Variants in PTPRA observed in about 807,000 individuals in gnomAD.
PTPRA encodes receptor-type tyrosine-protein phosphatase alpha.
Under a neutral mutation model 104.8 loss-of-function variants are expected in PTPRA, and 25 were observed. The ratio of observed to expected loss-of-function variants is 0.24; its 90% CI spans 0.17 to 0.33. PTPRA has a LOEUF of 0.33. Ranked by LOEUF, PTPRA falls within the 10% of genes least tolerant of loss-of-function variation. The pLI, the probability that PTPRA is intolerant of heterozygous loss-of-function variation, is 1.00. For missense variants in PTPRA, 765 were observed against 1,015.3 expected, an observed-to-expected ratio of 0.75 and a Z score of 3.35; for synonymous variants, 323 against 368.9, an observed-to-expected ratio of 0.88 and a Z score of 1.43.
chr20:3,002,787 A>G (rs1325005853), intron 9 of PTPRA, among the ~76,000 whole-genome samples: 1 of 152,128 alleles, frequency 6.6e-6, no homozygotes, highest in African/African-American at 2.4e-5. Context: ...AAAAACCTTC[A>G]ATGATTTCCT....
chr20:2,994,092 T>C (rs2063300851), intron 9 of PTPRA, among the ~76,000 whole-genome samples: 1 of 152,214 alleles, frequency 6.6e-6, no homozygotes, highest in African/African-American at 2.4e-5. Flanking sequence ...AGTAGCTACC[T>C]CAAGGCCAGG....
chr20:2,959,304 C>T (rs145629677), intron 3 of PTPRA, among the ~76,000 whole-genome samples: 1 of 152,264 alleles, frequency 6.6e-6, no homozygotes, highest in East Asian at 1.9e-4. Flanking sequence ...GTTACTCCCA[C>T]CAGTATTTAA....
Position 3,037,142 on chromosome 20 carries a change from G to A in PTPRA, c.2199-12G>A. On this transcript the variant is annotated splice_polypyrimidine_tract_variant and intron_variant, in intron 22 of 23. Coordinates refer to ENST00000399903, the MANE Select transcript of PTPRA (RefSeq NM_001385305.1). This position sits in a 1 kb window ranked among gnomAD's most constrained non-coding sequence, Gnocchi z 4.3. ...CATCACAGGTGTGGTAAATGTGTCT[G>A]CTCTGTTGCAGCGCCGGGGCAGGAA... 6.2e-7 allele frequency: 1 copy of A among 1,613,112 alleles called. No individual in the cohort carries two copies. The highest frequency in any genetic ancestry group is 1.1e-5 in the South Asian group (1 of 90,924).
chr20:3,020,136 T>G (rs1055048668), intron 13 of PTPRA, among the ~76,000 whole-genome samples: 2 of 151,778 alleles, frequency 1.3e-5, no homozygotes, highest in Admixed American at 6.6e-5. Context: ...TGAGACGGAG[T>G]CTCGCTCTGT....
intron 6 of PTPRA, among the ~76,000 whole-genome samples, chr20:2,981,458 A>T (rs6051510): frequency 0.3 from 45,220 of 152,112 alleles, 11,969 homozygotes; most frequent in African/African-American, 0.7. Flanking sequence ...AATTTGCTAC[A>T]GACATCTAAT....
At chr20:2,987,603 A>C (rs1224158151) in intron 7 of PTPRA, among the ~76,000 whole-genome samples, 1 of 152,052 alleles carries the variant, frequency 6.6e-6, no homozygotes, top group East Asian at 1.9e-4. Context: ...TCTGCAGGAG[A>C]CTTGTGGCCA....
At chr20:3,006,356 T>A (rs774111232) in intron 10 of PTPRA, among the ~76,000 whole-genome samples, 4 of 152,160 alleles carry the variant, frequency 2.6e-5, no homozygotes, top group Non-Finnish European at 5.9e-5. Flanking sequence ...TGGCTGATTA[T>A]TTTTTAGACA....
chr20:2,940,839 T>G (rs188466897), intron 2 of PTPRA, among the ~76,000 whole-genome samples: 58 of 152,330 alleles, frequency 3.8e-4, no homozygotes, highest in African/African-American at 1.4e-3. Flanking sequence ...TTGCCAGCCC[T>G]TTTTCCAGAT....
rs1490286712 is a variant in PTPRA at position 2,898,135 on chromosome 20, C to A, written c.-129+24375C>A. Among the ~76,000 whole-genome samples the A allele has an allele frequency of 4.6e-5, 7 of 150,938 alleles. No individual in the cohort carries two copies. In the South Asian group the frequency reaches 1.5e-3, roughly 32 times the overall value. On this transcript the variant is annotated intron_variant, in intron 1 of 23. Transcript: ENST00000399903. ...TTTTTGAGACGGAGTCTTGCTCCGTCGCCCAGGCTGGAGTGCAGTGGCGCG... is the reference window on the plus strand; with the variant it reads ...TTTTTGAGACGGAGTCTTGCTCCGTAGCCCAGGCTGGAGTGCAGTGGCGCG...
intron 11 of PTPRA, among the ~76,000 whole-genome samples, chr20:3,011,931 G>A (rs563637323): frequency 1.1e-4 from 17 of 152,306 alleles, no homozygotes; most frequent in South Asian, 4.1e-4. Flanking sequence ...TTCTACTACC[G>A]TGCTTGCCCA....
chr20:2,920,493 C>T (rs1394403621), intron 1 of PTPRA, among the ~76,000 whole-genome samples: 3 of 152,134 alleles, frequency 2.0e-5, no homozygotes, highest in Non-Finnish European at 2.9e-5. Context: ...TGAAAGCTCC[C>T]CCAGCAACTC....
At chr20:2,986,625 C>T (rs889073319) in intron 6 of PTPRA, 140 bp from the exon 7 acceptor site, 29 of 742,720 alleles carry the variant, frequency 3.9e-5, no homozygotes, top group Non-Finnish European at 6.6e-5. Context: ...CACACTCATA[C>T]TTTCTTCTCT....
chr20:2,952,743 G>A (rs146946929), intron 3 of PTPRA, among the ~76,000 whole-genome samples: 3 of 152,132 alleles, frequency 2.0e-5, no homozygotes, highest in Middle Eastern at 3.4e-3. Flanking sequence ...TCCAGCCCCT[G>A]GCAACCATCG....
At chr20:2,931,100 T>A (rs756948874) in intron 2 of PTPRA, among the ~76,000 whole-genome samples, 18 of 152,184 alleles carry the variant, frequency 1.2e-4, no homozygotes, top group Non-Finnish European at 2.2e-4. Context: ...AAACCAGGAT[T>A]CTGGGGCTCC....
chr20:2,998,133 G>A (rs1457413828), intron 9 of PTPRA, among the ~76,000 whole-genome samples: 6 of 143,884 alleles, frequency 4.2e-5, no homozygotes, highest in Non-Finnish European at 7.4e-5. Context: ...AGTGATCACC[G>A]CACTGCCCTC....
rs566596397 is a variant in PTPRA at position 3,007,510 on chromosome 20, T to G, written c.906+90T>G. The G allele has an allele frequency of 1.9e-5, 26 of 1,369,448 alleles. No homozygotes were observed. In the East Asian group the frequency reaches 4.3e-4, roughly 23 times the overall value. 84.8% of individuals were successfully genotyped at this position (1,369,448 alleles called of 1,614,324 possible). On this transcript the variant is annotated intron_variant, in intron 11 of 23. Coordinates refer to ENST00000399903, the MANE Select transcript of PTPRA (RefSeq NM_001385305.1). Reference sequence around the variant, plus strand: ...CCCCAGCTGTGTGTTAGGAGAAATATTTGTCATTTCATGTTTTCCCTGACA... The same window carrying G: ...CCCCAGCTGTGTGTTAGGAGAAATAGTTGTCATTTCATGTTTTCCCTGACA...
At chr20:2,986,248 G>C (rs1290956772) in intron 6 of PTPRA, among the ~76,000 whole-genome samples, 1 of 152,134 alleles carries the variant, frequency 6.6e-6, no homozygotes, top group African/African-American at 2.4e-5. Flanking sequence ...TCTGTGCCCG[G>C]AAACCATTTG....
chr20:2,912,104 G>A (rs1165901986), intron 1 of PTPRA, among the ~76,000 whole-genome samples: 10 of 151,850 alleles, frequency 6.6e-5, no homozygotes, highest in Non-Finnish European at 1.5e-4. Flanking sequence ...TTAATTAGCA[G>A]GGTGTAGAGG....
At chr20:3,027,519 C>G (rs1214364684) in intron 19 of PTPRA, among the ~76,000 whole-genome samples, 188 bp from the exon 20 acceptor site, 2 of 152,234 alleles carry the variant, frequency 1.3e-5, no homozygotes, top group South Asian at 2.1e-4. Flanking sequence ...AATCCCTGTT[C>G]CACTTCCCTG....
Sources: allele counts gnomAD v4.1 joint callset (sites outside exome capture counted in the v4.1 genomes callset), GRCh38; gene constraint gnomAD v4.1.1; non-coding constraint Gnocchi (gnomAD v3.1); transcripts MANE v1.5; gene names NCBI Gene and HGNC (gene_info 2026-07-23, HGNC 2026-07-21).